Variants in PIWIL4 observed in about 807,000 individuals in gnomAD.
PIWIL4 encodes the protein piwi like RNA-mediated gene silencing 4, also known as piwi-like protein 4.
A neutral mutation model predicts 100.9 loss-of-function variants in PIWIL4; 50 were observed. That is an observed-to-expected ratio of 0.50 (90% CI 0.39 to 0.63). PIWIL4 has a LOEUF of 0.63. PIWIL4 is among the 20% of genes least tolerant of loss of function. The pLI, the probability that PIWIL4 is intolerant of heterozygous loss-of-function variation, is 0.00. For missense variants in PIWIL4, 887 were observed against 1,043.3 expected (o/e 0.85, Z 2.06); for synonymous variants, 342 against 367.5 (o/e 0.93, Z 0.79).
At chr11:94,594,038 T>G (rs1015181042) in intron 9 of PIWIL4, among the ~76,000 whole-genome samples, 4 of 152,190 alleles carry the variant, frequency 2.6e-5, no homozygotes, top group African/African-American at 7.2e-5. Flanking sequence ...AAAATCTGAA[T>G]AACTGCCTCG....
At chr11:94,589,683 C>T (rs1407446790) in intron 8 of PIWIL4, among the ~76,000 whole-genome samples, 4 of 152,082 alleles carry the variant, frequency 2.6e-5, no homozygotes, top group Admixed American at 2.0e-4. Flanking sequence ...TCACACGTTG[C>T]TTCTTTTTCC....
chr11:94,577,334 C>T lies in PIWIL4; in HGVS notation c.355C>T (p.Gln119Ter). 1.2e-6 allele frequency: 2 copies of T among 1,613,996 alleles called. No homozygotes were observed. Among genetic ancestry groups the T allele is most frequent in the Non-Finnish European group, 1.7e-6 (2 of 1,179,956 alleles). ...AAACCTCTTTAACTTAGATTTTCCC[C>T]AAGACTGGCAGCTATACCAGTACCA... ...VTNLFNLDFP[Q>*]DWQLYQYHVT... Residue 119 changes from glutamine (Q) to a stop codon, truncating the protein, a stop_gained, in exon 4 of 20, where the codon CAA (glutamine) becomes TAA (stop). Transcript: ENST00000299001. LOFTEE classifies it high-confidence loss of function.
intron 4 of PIWIL4, among the ~76,000 whole-genome samples, chr11:94,578,355 TA>T (rs1194769763): frequency 6.6e-6 from 1 of 152,248 alleles, no homozygotes; most frequent in Non-Finnish European, 1.5e-5. Flanking sequence ...TGCTCAACTT[TA>T]ATTTTTTAGT....
rs1394189105 is a variant in PIWIL4, at chr11:94,589,139, C to T, written c.933C>T (p.Tyr311=). Residue 311 remains tyrosine (Y), a synonymous_variant, in exon 8 of 20, where the codon TAC becomes TAT. Transcript: ENST00000299001. ...IVLTRYNNRT[Y]SIDDIDWSVK... ...TTGGCAGATACAATAACAGAACCTA[C>T]TCCATTGATGACATTGACTGGTCAG... The T allele has an allele frequency of 2.5e-6, 4 of 1,610,758 alleles. No homozygotes were observed. The highest frequency in any genetic ancestry group is 2.5e-6 in the Non-Finnish European group (3 of 1,177,392).
intron 15 of PIWIL4, among the ~76,000 whole-genome samples, chr11:94,611,882 T>A (rs540622217): frequency 8.7e-4 from 132 of 152,308 alleles, no homozygotes; most frequent in African/African-American, 2.8e-3. Flanking sequence ...ACCTTTTTTT[T>A]AAATAAATTG....
Position 94,589,998 on chromosome 11 carries a change from C to A in PIWIL4, c.1026+766C>A, listed in dbSNP as rs374234345. On this transcript the variant is annotated intron_variant, in intron 8 of 19. Coordinates refer to ENST00000299001, the MANE Select transcript of PIWIL4 (RefSeq NM_152431.3). The stretch of plus-strand genomic sequence containing the variant: ...GCATTTGCAACAGTTATCCTTACCC[C>A]TCATCTTCCATGTTCAATTCTTTTT... Among the ~76,000 whole-genome samples the A allele has an allele frequency of 3.3e-4, 51 of 152,326 alleles. 1 individual carries two copies. The East Asian group carries it at 8.3e-3, about 25-fold the overall frequency.
intron 1 of PIWIL4, among the ~76,000 whole-genome samples, chr11:94,567,983 A>G (rs1423986711): frequency 6.6e-6 from 1 of 152,090 alleles, no homozygotes; most frequent in Non-Finnish European, 1.5e-5. Context: ...GTATATAAAA[A>G]TAAGTACTCT....
chr11:94,568,573 A>C (rs1222075367), intron 1 of PIWIL4, among the ~76,000 whole-genome samples, 157 bp from the exon 2 acceptor site: 2 of 152,172 alleles, frequency 1.3e-5, no homozygotes, highest in Admixed American at 6.5e-5. Context: ...CTTTTCTAGA[A>C]TGGGCACTCT....
At chr11:94,573,832 T>C (rs555124662) in intron 2 of PIWIL4, among the ~76,000 whole-genome samples, 4 of 152,196 alleles carry the variant, frequency 2.6e-5, no homozygotes, top group Non-Finnish European at 5.9e-5. Context: ...TATTTTGTTG[T>C]GCAGTCATCA....
chr11:94,610,106 A>G (rs1948772012), intron 15 of PIWIL4, among the ~76,000 whole-genome samples: 1 of 152,142 alleles, frequency 6.6e-6, no homozygotes, highest in South Asian at 2.1e-4. Context: ...TAGATACCAC[A>G]TATAAGTGAT....
At chr11:94,619,164 C>T (rs1948878286) in intron 17 of PIWIL4, among the ~76,000 whole-genome samples, 1 of 151,624 alleles carries the variant, frequency 6.6e-6, no homozygotes. Flanking sequence ...GTGATCCTTA[C>T]ATCCCAGAGG....
At chr11:94,579,896 C>G (rs778181240) in intron 4 of PIWIL4, among the ~76,000 whole-genome samples, 3 of 152,166 alleles carry the variant, frequency 2.0e-5, no homozygotes, top group Non-Finnish European at 4.4e-5. Context: ...CTTGTAGATA[C>G]ATTTCTAGCA....
intron 19 of PIWIL4, 33 bp downstream of exon 19, chr11:94,620,177 G>A: frequency 6.5e-7 from 1 of 1,541,080 alleles, no homozygotes; most frequent in East Asian, 2.3e-5. Flanking sequence ...ATGTAAATAT[G>A]ATACTCAAGA....
In PIWIL4 at chr11:94,600,900, C is replaced by T. The variant is rs889329169; in HGVS notation, c.1381-895C>T. Among the ~76,000 whole-genome samples, 13 of 151,838 alleles carry T rather than the reference C, an allele frequency of 8.6e-5. 1 individual carries two copies. Among genetic ancestry groups the T allele is most frequent in the South Asian group, 6.3e-4 (3 of 4,788 alleles). On this transcript the variant is annotated intron_variant, in intron 11 of 19. Coordinates refer to ENST00000299001, the MANE Select transcript of PIWIL4 (RefSeq NM_152431.3). ...AAAGAAGAGAAATATGGCTCTGTTC[C>T]GCCCGGCTCACCGGTGGTCAGAGTT...
At chr11:94,620,774 A>G (rs1459401479) in intron 19 of PIWIL4, 102 bp from the exon 20 acceptor site, 3 of 809,910 alleles carry the variant, frequency 3.7e-6, no homozygotes, top group Non-Finnish European at 5.9e-6. Flanking sequence ...CCAGAAGCCC[A>G]TTCTATTATC....
At chr11:94,580,313 A>T (rs1425003928) in intron 4 of PIWIL4, among the ~76,000 whole-genome samples, 1 of 152,180 alleles carries the variant, frequency 6.6e-6, no homozygotes, top group Admixed American at 6.5e-5. Flanking sequence ...CTTGGTATTG[A>T]CTGAGGCTTA....
At chr11:94,605,819 T>C (rs1439598934) in intron 13 of PIWIL4, among the ~76,000 whole-genome samples, 1 of 152,232 alleles carries the variant, frequency 6.6e-6, no homozygotes, top group Non-Finnish European at 1.5e-5. Flanking sequence ...TTATTTATTT[T>C]GTTGCTCTTA....
chr11:94,621,227 A>G lies in PIWIL4; in HGVS notation c.*235A>G, dbSNP rs887625173. The G allele has an allele frequency of 6.8e-6, 3 of 440,744 alleles. No homozygotes were observed. Among genetic ancestry groups the G allele is most frequent in the African/African-American group, 2.0e-5 (1 of 50,196 alleles). The allele number at this position is 440,744 out of a possible 1,614,324, so 27.3% of individuals were successfully genotyped here. On this transcript the variant is annotated 3_prime_UTR_variant, in exon 20 of 20. Transcript: ENST00000299001. ...TTTCATTGTCATATGTGGAATTTAA[A>G]TATACCATCATCTACAAAGAATTCC... is the stretch of plus-strand genomic sequence containing the variant.
Position 94,589,228 on chromosome 11 carries a change from A to G in PIWIL4, c.1022A>G (p.Lys341Arg). The stretch of plus-strand genomic sequence containing the variant: ...GAGATCACCTATGTGGATTACTACA[A>G]GCAGGTAGGACTTTTCTTCATGCAT... ...GTEITYVDYYKQQYDITVSDL... is the reference protein window; with the variant it reads ...GTEITYVDYYRQQYDITVSDL... Residue 341 changes from lysine (K) to arginine (R), a missense_variant, in exon 8 of 20, where the codon AAG (lysine) becomes AGG (arginine). By Grantham distance (26) the Lys-to-Arg change is conservative. This residue lies in a region of PIWIL4 where 741 missense variants were observed against 930.0 expected (regional missense o/e 0.80). Coordinates refer to ENST00000299001, the MANE Select transcript of PIWIL4 (RefSeq NM_152431.3). 1.9e-6 allele frequency: 3 copies of G among 1,589,434 alleles called. No individual in the cohort carries two copies. Among genetic ancestry groups the G allele is most frequent in the Non-Finnish European group, 2.6e-6 (3 of 1,157,560 alleles).
Sources: allele counts gnomAD v4.1 joint callset (sites outside exome capture counted in the v4.1 genomes callset), GRCh38; gene constraint gnomAD v4.1.1; regional missense constraint gnomAD v4.1.1; transcripts MANE v1.5; gene names NCBI Gene and HGNC (gene_info 2026-07-23, HGNC 2026-07-21).